TBC1D9B: variants seen among roughly 807,000 people sequenced by gnomAD.
The protein encoded by TBC1D9B is TBC1 domain family, member 9B (with GRAM domain).
Under a neutral mutation model 121.1 loss-of-function variants are expected in TBC1D9B, and 87 were observed. The observed-to-expected ratio is 0.72, with a 90% CI of 0.60 to 0.86. The LOEUF (loss-of-function observed/expected upper bound fraction) is 0.86, where lower values mean the gene tolerates loss of function less well. Ranked by LOEUF, TBC1D9B falls within the 40% of genes least tolerant of loss-of-function variation. The pLI is 0.00. For missense variants in TBC1D9B, 1,540 were observed against 1,628.6 expected, an observed-to-expected ratio of 0.95 and a Z score of 0.94; for synonymous variants, 668 against 670.1, an observed-to-expected ratio of 1.00 and a Z score of 0.05.
At chr5:179,871,085 G>A (rs532525620) in intron 15 of TBC1D9B, among the ~76,000 whole-genome samples, 7 of 152,362 alleles carry the variant, frequency 4.6e-5, no homozygotes, top group African/African-American at 1.7e-4. Context: ...GGTGTAGGAA[G>A]AGCAGTGCAG....
Position 179,872,854 on chromosome 5 carries a change from C to G in TBC1D9B, c.2415+38G>C, listed in dbSNP as rs755663186. 39 of 1,533,686 alleles carry G rather than the reference C, an allele frequency of 2.5e-5. 1 individual carries two copies. In the East Asian group the frequency reaches 8.5e-4, roughly 33 times the overall value. Reference sequence around the variant, plus strand: ...CTGTGGGGAAGGCACTGCTGCCCCCCCAGCCCAGCCCCTGCCCAGCCCTGC... The same window carrying G: ...CTGTGGGGAAGGCACTGCTGCCCCCGCAGCCCAGCCCCTGCCCAGCCCTGC... On this transcript the variant is annotated intron_variant, in intron 14 of 20. Transcript: ENST00000355235.
Position 179,862,689 on chromosome 5 carries a change from G to A in TBC1D9B, c.*759C>T. 1 of 437,538 alleles carries A rather than the reference G, an allele frequency of 2.3e-6. No individual in the cohort carries two copies. The highest frequency in any genetic ancestry group is 2.0e-5 in the African/African-American group (1 of 49,924). The allele number at this position is 437,538 out of a possible 1,614,324, so 27.1% of individuals were successfully genotyped here. A position where few individuals can be genotyped will look rare whatever the true frequency, so the allele number is the denominator to read the frequency against. ...CATACTTGGCCTGGGGAGAAGTTGG[G>A]AGGCCTAAGCAGTGGTTGGGGGCCA... On this transcript the variant is annotated 3_prime_UTR_variant, in exon 21 of 21. Coordinates refer to ENST00000355235, the MANE Select transcript of TBC1D9B (RefSeq NM_015043.4).
chr5:179,873,564 T>A (rs1311764192), intron 12 of TBC1D9B, among the ~76,000 whole-genome samples: 1 of 152,216 alleles, frequency 6.6e-6, no homozygotes, highest in Non-Finnish European at 1.5e-5. Flanking sequence ...GTTGGAAGGA[T>A]GACGAGCTTC....
chr5:179,879,932 G>T, intron 7 of TBC1D9B, 143 bp from the exon 8 acceptor site: 1 of 1,031,724 alleles, frequency 9.7e-7, no homozygotes, highest in Non-Finnish European at 1.4e-6. Flanking sequence ...GAGCCTGTCT[G>T]GCTGGGCAGG....
chr5:179,863,042 C>T lies in TBC1D9B; in HGVS notation c.*406G>A, dbSNP rs1759892259. On this transcript the variant is annotated 3_prime_UTR_variant, in exon 21 of 21. Coordinates refer to ENST00000355235, the MANE Select transcript of TBC1D9B (RefSeq NM_015043.4). The surrounding 1 kb of genome is among the most constrained non-coding windows in gnomAD (Gnocchi z 4.5). ...ACCTGGTGCCAAGAGGCAGGAATGA[C>T]CCCCATACCACATAGCTGCAGGAAA... 1 of 263,760 alleles carries T rather than the reference C, an allele frequency of 3.8e-6. No individual in the cohort carries two copies. The highest frequency in any genetic ancestry group is 7.5e-6 in the Non-Finnish European group (1 of 132,852). 16.3% of individuals were successfully genotyped at this position (263,760 alleles called of 1,614,324 possible).
At chr5:179,906,629 G>A (rs1400181480) in intron 1 of TBC1D9B, among the ~76,000 whole-genome samples, 1 of 152,198 alleles carries the variant, frequency 6.6e-6, no homozygotes, top group Non-Finnish European at 1.5e-5. Flanking sequence ...TAGGAGGCGG[G>A]TCCAGAACAG....
Position 179,875,991 on chromosome 5 carries a change from T to G in TBC1D9B, c.1829A>C (p.Glu610Ala). The change falls in exon 11 of 21, where the codon GAG (glutamate) becomes GCG (alanine). Residue 610 changes from glutamate (E) to alanine (A), a missense_variant. By Grantham distance (107) the Glu-to-Ala change is moderately radical. Transcript: ENST00000355235. This position sits in a 1 kb window ranked among gnomAD's most constrained non-coding sequence, Gnocchi z 4.5. The stretch of plus-strand genomic sequence containing the variant: ...GGCCACCAGGAGCCAGAAGGCCTCC[T>G]CCTCACTGCCATAGAGCAGGAGCAC... The part of the protein sequence containing the change: ...TSVLLLYGSE[E>A]EAFWLLVALC... 6.2e-7 allele frequency: 1 copy of G among 1,612,426 alleles called. No homozygotes were observed. Among genetic ancestry groups the G allele is most frequent in the Admixed American group, 1.7e-5 (1 of 59,902 alleles).
intron 7 of TBC1D9B, chr5:179,887,708 A>G: frequency 4.1e-6 from 1 of 246,354 alleles, no homozygotes; most frequent in Non-Finnish European, 7.8e-6. Context: ...TGCTGGTACA[A>G]TAGTGATACT....
rs370270473 is a variant in TBC1D9B at position 179,865,027 on chromosome 5, ACACT to A, written c.3021+223_3021+226del. On this transcript the variant is annotated intron_variant, in intron 20 of 20. Transcript: ENST00000355235. The surrounding 1 kb of genome is among the most constrained non-coding windows in gnomAD (Gnocchi z 5.1). ...CAAGCCTCTGGCTCCTGGTTCACAG[ACACT>A]CACTCAATCTGGAAACATGCCCCTA... 1.7e-3 allele frequency among the ~76,000 whole-genome samples: 259 copies of A among 152,308 alleles called. 1 individual carries two copies. Among genetic ancestry groups the A allele is most frequent in the East Asian group, 0.013 (67 of 5,184 alleles).
chr5:179,892,633 T>C (rs1760898173), intron 5 of TBC1D9B, among the ~76,000 whole-genome samples: 1 of 152,150 alleles, frequency 6.6e-6, no homozygotes, highest in Non-Finnish European at 1.5e-5. Context: ...ACATGGCCCA[T>C]CTCCTTGGCT....
In TBC1D9B at chr5:179,893,198, G is replaced by A; in HGVS notation, c.836+11C>T. The A allele has an allele frequency of 2.5e-6, 4 of 1,594,424 alleles. No individual in the cohort carries two copies. The highest frequency in any genetic ancestry group is 3.4e-6 in the Non-Finnish European group (4 of 1,169,304). On this transcript the variant is annotated intron_variant, in intron 5 of 20. Transcript: ENST00000355235. Reference sequence around the variant, plus strand: ...CACATGAGCCCACCCCAGCCCTGGAGGGCAACGCACCGCTTCAGGGCTGAG... The same window carrying A: ...CACATGAGCCCACCCCAGCCCTGGAAGGCAACGCACCGCTTCAGGGCTGAG...
rs1224469804 is a variant in TBC1D9B, at chr5:179,867,596, G to A, written c.2863+182C>T. ...AGAAACAGGAGTGAGGACATCCACA[G>A]GGGGCGGCCCCAGCCCCCGCCAGCA... On this transcript the variant is annotated intron_variant, in intron 18 of 20. Transcript: ENST00000355235. 3 of 1,506,820 alleles carry A rather than the reference G, an allele frequency of 2.0e-6. No homozygotes were observed. The African/African-American group carries it at 4.2e-5, about 21-fold the overall frequency. 93.3% of individuals were successfully genotyped at this position (1,506,820 alleles called of 1,614,324 possible).
At chr5:179,867,726 G>T in intron 18 of TBC1D9B, 52 bp downstream of exon 18, 2 of 1,603,658 alleles carry the variant, frequency 1.2e-6, no homozygotes. Flanking sequence ...GGAAGGCGGC[G>T]GTGGCTGCAG....
chr5:179,877,526 T>C (rs550886643), intron 10 of TBC1D9B, among the ~76,000 whole-genome samples: 1 of 151,746 alleles, frequency 6.6e-6, no homozygotes, highest in African/African-American at 2.4e-5. Context: ...TAACTGGGCA[T>C]GGTGGCACAT....
intron 8 of TBC1D9B, 141 bp downstream of exon 8, chr5:179,879,487 G>T: frequency 7.5e-7 from 1 of 1,338,014 alleles, no homozygotes. Flanking sequence ...GTCTCACGCT[G>T]CCAGGGTGCA....
chr5:179,907,662 AGCCGCGGCGCCCACAGGCCCG>A lies in TBC1D9B; in HGVS notation c.118+21_118+41del. 1 of 940,182 alleles carries A rather than the reference AGCCGCGGCGCCCACAGGCCCG, an allele frequency of 1.1e-6. No homozygotes were observed. 58.2% of individuals were successfully genotyped at this position (940,182 alleles called of 1,614,324 possible). A position where few individuals can be genotyped will look rare whatever the true frequency, so the allele number is the denominator to read the frequency against. ...CCGCCGCCAGCCCCGCCGCCAGCCC[AGCCGCGGCGCCCACAGGCCCG>A]GCCGCCCGCGCGCCTCTCACCCGTA... On this transcript the variant is annotated intron_variant, in intron 1 of 20. Transcript: ENST00000355235. The surrounding 1 kb of genome is among the most constrained non-coding windows in gnomAD (Gnocchi z 5.3).
At position 179,865,329 on chromosome 5, in the gene TBC1D9B, C is replaced by A. The variant is rs1405292737; in HGVS notation, c.2946G>T (p.Arg982=). The change falls in exon 20 of 21, where the codon CGG becomes CGT. Residue 982 remains arginine (R), a synonymous_variant. Coordinates refer to ENST00000355235, the MANE Select transcript of TBC1D9B (RefSeq NM_015043.4). This position sits in a 1 kb window ranked among gnomAD's most constrained non-coding sequence, Gnocchi z 5.1. ...CCTTGGCCCACATTCGAAGGTAGTG[C>A]CGATAGTCCGGAGAGCTGGTCCCCT... ...EEKGTSSPDY[R]HYLRMWAKEK... is the part of the protein sequence containing the mutation. 6.2e-7 allele frequency: 1 copy of A among 1,613,928 alleles called. No individual in the cohort carries two copies.
chr5:179,880,678 T>C (rs938587879), intron 7 of TBC1D9B, among the ~76,000 whole-genome samples: 20 of 152,192 alleles, frequency 1.3e-4, no homozygotes, highest in African/African-American at 4.8e-4. Flanking sequence ...TCCTTAAATA[T>C]GTACAGTGTA....
chr5:179,867,355 G>T, intron 18 of TBC1D9B: 1 of 1,360,484 alleles, frequency 7.4e-7, no homozygotes, highest in Non-Finnish European at 9.9e-7. Context: ...TCCCAGAGAG[G>T]TCCCTGGGAC....
Sources: allele counts gnomAD v4.1 joint callset (sites outside exome capture counted in the v4.1 genomes callset), GRCh38; gene constraint gnomAD v4.1.1; non-coding constraint Gnocchi (gnomAD v3.1); transcripts MANE v1.5; gene names NCBI Gene and HGNC (gene_info 2026-07-23, HGNC 2026-07-21).